The following SLC4A10 variants were observed in gnomAD, a reference collection of about 807,000 sequenced individuals.
SLC4A10 encodes solute carrier family 4 member 10.
Under a neutral mutation model 137.7 loss-of-function variants are expected in SLC4A10, and 42 were observed. The ratio of observed to expected loss-of-function variants is 0.30; its 90% CI spans 0.24 to 0.39. The LOEUF is 0.39. SLC4A10 is among the 10% of genes least tolerant of loss of function. SLC4A10 has a pLI of 1.00. For missense variants in SLC4A10, 925 were observed against 1,355.0 expected (o/e 0.68, Z 4.98); for synonymous variants, 474 against 464.1 (o/e 1.02, Z -0.27).
In SLC4A10 at chr2:161,974,481, A is replaced by G. The variant is rs535555822; in HGVS notation, c.3227+165A>G. ...ATGGGTCCTACTGCTAAGTTTTGCCAATAATAGCCGTGTGACTATAATCAA... is the reference window on the plus strand; with the variant it reads ...ATGGGTCCTACTGCTAAGTTTTGCCGATAATAGCCGTGTGACTATAATCAA... On this transcript the variant is annotated intron_variant, in intron 24 of 26. Coordinates refer to ENST00000446997, the MANE Select transcript of SLC4A10 (RefSeq NM_001178015.2). Among the ~76,000 whole-genome samples the G allele has an allele frequency of 5.3e-5, 8 of 152,340 alleles. No individual in the cohort carries two copies. The South Asian group carries it at 1.7e-3, about 32-fold the overall frequency.
At chr2:161,699,461 T>C (rs1229366293) in intron 1 of SLC4A10, among the ~76,000 whole-genome samples, 1 of 152,216 alleles carries the variant, frequency 6.6e-6, no homozygotes, top group Non-Finnish European at 1.5e-5. Flanking sequence ...AAGGTAATTT[T>C]AATGGCCTGA....
chr2:161,929,128 T>G (rs1689834405), intron 15 of SLC4A10, among the ~76,000 whole-genome samples: 1 of 152,200 alleles, frequency 6.6e-6, no homozygotes, highest in South Asian at 2.1e-4. Context: ...GAATTCTATT[T>G]GTTAGCAACC....
intron 1 of SLC4A10, among the ~76,000 whole-genome samples, chr2:161,719,432 G>A (rs1240313885): frequency 6.6e-6 from 1 of 152,162 alleles, no homozygotes; most frequent in Non-Finnish European, 1.5e-5. Flanking sequence ...TGGGATGGCT[G>A]GGTCAAATGG....
At chr2:161,680,454 A>G (rs1274029131) in intron 1 of SLC4A10, among the ~76,000 whole-genome samples, 1 of 151,968 alleles carries the variant, frequency 6.6e-6, no homozygotes, top group Admixed American at 6.6e-5. Flanking sequence ...AGGGTTGGGG[A>G]AAGATGGCCT....
At chr2:161,951,160 A>G (rs1694732419) in intron 19 of SLC4A10, among the ~76,000 whole-genome samples, 1 of 152,170 alleles carries the variant, frequency 6.6e-6, no homozygotes, top group Admixed American at 6.6e-5. Flanking sequence ...GTGAAGTACA[A>G]CCATACCAAC....
intron 5 of SLC4A10, among the ~76,000 whole-genome samples, chr2:161,857,573 C>T (rs1466499580): frequency 6.6e-6 from 1 of 152,114 alleles, no homozygotes; most frequent in Non-Finnish European, 1.5e-5. Context: ...TTAAAAGTTA[C>T]TTATTTATCC....
chr2:161,819,693 A>G (rs1575120549), intron 3 of SLC4A10, among the ~76,000 whole-genome samples: 1 of 151,982 alleles, frequency 6.6e-6, no homozygotes, highest in African/African-American at 2.4e-5. Flanking sequence ...ACGGGGTTTC[A>G]CCATGTTGGC....
chr2:161,970,248 G>A (rs1698293916), intron 23 of SLC4A10, among the ~76,000 whole-genome samples: 1 of 152,072 alleles, frequency 6.6e-6, no homozygotes, highest in Non-Finnish European at 1.5e-5. Context: ...TGAAAAATAT[G>A]TTACATTTAT....
chr2:161,802,013 G>C lies in SLC4A10; in HGVS notation c.131-2436G>C, dbSNP rs1027226711. ...AATAAATAGGACCAGACACATATAT[G>C]TATTAATTCACTTCCCTTTATTTCC... On this transcript the variant is annotated intron_variant, in intron 2 of 26. Coordinates refer to ENST00000446997, the MANE Select transcript of SLC4A10 (RefSeq NM_001178015.2). 5.3e-5 allele frequency among the ~76,000 whole-genome samples: 8 copies of C among 151,978 alleles called. No homozygotes were observed. In the East Asian group the frequency reaches 1.5e-3, roughly 29 times the overall value.
At chr2:161,801,872 A>G (rs2055406547) in intron 2 of SLC4A10, among the ~76,000 whole-genome samples, 1 of 152,110 alleles carries the variant, frequency 6.6e-6, no homozygotes, top group Admixed American at 6.6e-5. Flanking sequence ...TTGCATAAAT[A>G]TAAGTGACAC....
At chr2:161,801,180 G>A (rs1264777564) in intron 2 of SLC4A10, among the ~76,000 whole-genome samples, 1 of 151,876 alleles carries the variant, frequency 6.6e-6, no homozygotes, top group Non-Finnish European at 1.5e-5. Context: ...ATAGATAAGG[G>A]TGTCACCTGT....
chr2:161,646,778 GC>G (rs1215010554), intron 1 of SLC4A10, among the ~76,000 whole-genome samples: 3 of 151,918 alleles, frequency 2.0e-5, no homozygotes, highest in African/African-American at 7.2e-5. Flanking sequence ...CATATCCAGT[GC>G]CATAGATATT....
At chr2:161,809,919 A>G (rs950212636) in intron 3 of SLC4A10, among the ~76,000 whole-genome samples, 48 of 152,008 alleles carry the variant, frequency 3.2e-4, no homozygotes, top group African/African-American at 1.1e-3. Flanking sequence ...GAAAAACAAC[A>G]TTGGTGTTTT....
intron 1 of SLC4A10, among the ~76,000 whole-genome samples, chr2:161,634,589 A>G (rs964456575): frequency 2.6e-5 from 4 of 151,976 alleles, no homozygotes; most frequent in African/African-American, 9.7e-5. Context: ...CATAATAATT[A>G]TACATATTTG....
chr2:161,891,317 A>G (rs2062891892), intron 10 of SLC4A10, among the ~76,000 whole-genome samples: 1 of 151,934 alleles, frequency 6.6e-6, no homozygotes, highest in South Asian at 2.1e-4. Flanking sequence ...TGTTCTCTGT[A>G]TTTCCTGAAT....
At chr2:161,648,483 C>T (rs2036365012) in intron 1 of SLC4A10, among the ~76,000 whole-genome samples, 1 of 152,056 alleles carries the variant, frequency 6.6e-6, no homozygotes, top group Admixed American at 6.6e-5. Flanking sequence ...TCCTGAGACT[C>T]TAATAATTGA....
At chr2:161,767,222 A>ATATATATAT in intron 1 of SLC4A10, among the ~76,000 whole-genome samples, 2 of 124,524 alleles carry the variant, frequency 1.6e-5, no homozygotes, top group African/African-American at 6.5e-5. Flanking sequence ...ATACACATAT[A>ATATATATAT]TATATATATA....
Position 161,724,118 on chromosome 2 carries a change from C to T in SLC4A10, c.49-46855C>T, listed in dbSNP as rs1254455715. ...TTCTCTGAAGGAGTTCAAAATCTGC[C>T]CGTTCTTTTCTTTCTCTTCACCTGG... On this transcript the variant is annotated intron_variant, in intron 1 of 26. Transcript: ENST00000446997. Among the ~76,000 whole-genome samples, 2 of 152,106 alleles carry T rather than the reference C, an allele frequency of 1.3e-5. 1 individual carries two copies. The highest frequency in any genetic ancestry group is 6.3e-3 in the Middle Eastern group (2 of 316).
intron 1 of SLC4A10, among the ~76,000 whole-genome samples, chr2:161,723,952 C>T (rs2045956755): frequency 6.6e-6 from 1 of 152,160 alleles, no homozygotes; most frequent in South Asian, 2.1e-4. Context: ...ATAAATATCT[C>T]AAACTTGATA....
Sources: gnomAD v4.1 joint callset for allele counts (sites outside exome capture counted in the v4.1 genomes callset) on GRCh38, gnomAD v4.1.1 for gene constraint, MANE v1.5 for transcripts, NCBI Gene and HGNC (gene_info 2026-07-23, HGNC 2026-07-21) for gene names.